Variants in PPFIA2 observed in about 807,000 individuals in gnomAD.
PPFIA2 encodes liprin-alpha-2.
PPFIA2 carries 46 observed loss-of-function variants against 175.5 expected under a neutral mutation model. That is an observed-to-expected ratio of 0.26 (90% CI 0.21 to 0.34). PPFIA2 has a LOEUF of 0.34. PPFIA2 is among the 10% of genes least tolerant of loss of function. PPFIA2 has a pLI of 1.00. For missense variants in PPFIA2, 1,179 were observed against 1,506.1 expected (o/e 0.78, Z 3.60); for synonymous variants, 568 against 511.4 (o/e 1.11, Z -1.49).
At chr12:81,298,626 A>G (rs540312101) in intron 23 of PPFIA2, among the ~76,000 whole-genome samples, 8 of 152,224 alleles carry the variant, frequency 5.3e-5, no homozygotes, top group African/African-American at 1.9e-4. Flanking sequence ...AAGTGACATG[A>G]AACAGCCCTT....
intron 22 of PPFIA2, among the ~76,000 whole-genome samples, chr12:81,313,414 C>T (rs1402485468): frequency 2.6e-5 from 4 of 152,034 alleles, no homozygotes; most frequent in African/African-American, 9.7e-5. Context: ...CCTCTCAAGG[C>T]ATTCATTCAG....
At chr12:81,643,930 G>T (rs987428414) in intron 4 of PPFIA2, among the ~76,000 whole-genome samples, 1 of 151,832 alleles carries the variant, frequency 6.6e-6, no homozygotes, top group African/African-American at 2.4e-5. Context: ...ATTAAAAGAG[G>T]AATAGCAACA....
At position 81,750,041 on chromosome 12, in the gene PPFIA2, CAATTT is replaced by C. The variant is rs573432439; in HGVS notation, c.249+3927_249+3931del. Among the ~76,000 whole-genome samples, 101 of 143,774 alleles carry C rather than the reference CAATTT, an allele frequency of 7.0e-4. 17 individuals are homozygous for C. In the South Asian group the frequency reaches 9.6e-3, roughly 14 times the overall value. The allele number at this position is 143,774 out of a possible 152,430, so 94.3% of individuals were successfully genotyped here. On this transcript the variant is annotated intron_variant, in intron 3 of 32. Coordinates refer to ENST00000549396, the MANE Select transcript of PPFIA2 (RefSeq NM_003625.5). ...GTTGGGGAACAGGCACATAAACAGA[CAATTT>C]AATTACAATATGATAAATGATAAGA...
rs1049763570 is a variant in PPFIA2, at chr12:81,567,583, G to A, written c.303+109208C>T. Among the ~76,000 whole-genome samples the A allele has an allele frequency of 4.6e-5, 7 of 152,200 alleles. No individual in the cohort carries two copies. In the South Asian group the frequency reaches 6.2e-4, roughly 14 times the overall value. ...GTCTACAGATTGAGTCCAATCACTT[G>A]GCCAATGATTCACCTAATCATACCT... On this transcript the variant is annotated intron_variant, in intron 4 of 32. Transcript: ENST00000549396.
intron 22 of PPFIA2, among the ~76,000 whole-genome samples, chr12:81,300,517 A>T (rs2047552699): frequency 6.6e-6 from 1 of 152,166 alleles, no homozygotes; most frequent in African/African-American, 2.4e-5. Flanking sequence ...TTTGTAATAG[A>T]TGCAACCAAA....
intron 20 of PPFIA2, 129 bp downstream of exon 20, chr12:81,340,949 G>A: frequency 9.8e-7 from 1 of 1,024,846 alleles, no homozygotes; most frequent in Non-Finnish European, 1.3e-6. Flanking sequence ...GTGATACTGG[G>A]AAAGGGAAGC....
chr12:81,294,360 T>C (rs1250329434), intron 24 of PPFIA2, among the ~76,000 whole-genome samples: 1 of 151,740 alleles, frequency 6.6e-6, no homozygotes, highest in Non-Finnish European at 1.5e-5. Flanking sequence ...CACTAATGCT[T>C]ATATCTTATC....
intron 4 of PPFIA2, among the ~76,000 whole-genome samples, chr12:81,520,045 C>T (rs1016944585): frequency 6.6e-6 from 1 of 152,152 alleles, no homozygotes; most frequent in Non-Finnish European, 1.5e-5. Context: ...TCACACTTCT[C>T]CTTGTGATGA....
At chr12:81,260,382 A>G (rs946406177) in intron 32 of PPFIA2, 3 of 152,238 alleles carry the variant, frequency 2.0e-5, no homozygotes, top group Non-Finnish European at 4.4e-5. Flanking sequence ...CCATCACTTA[A>G]GAGCTAAGAA....
chr12:81,473,127 GC>G (rs1383908812), intron 4 of PPFIA2, among the ~76,000 whole-genome samples: 1 of 152,164 alleles, frequency 6.6e-6, no homozygotes, highest in Non-Finnish European at 1.5e-5. Context: ...TGCATGTAGG[GC>G]CGGGTGCGGT....
chr12:81,702,098 G>C (rs1043979127), intron 3 of PPFIA2, among the ~76,000 whole-genome samples: 4 of 152,102 alleles, frequency 2.6e-5, no homozygotes, highest in Non-Finnish European at 5.9e-5. Flanking sequence ...TGCTGGAGAG[G>C]AGTAAGAAAA....
intron 14 of PPFIA2, 148 bp from the exon 15 acceptor site, chr12:81,362,932 A>G: frequency 2.2e-6 from 1 of 457,596 alleles, no homozygotes. Context: ...GCACGCCAAA[A>G]TTTTCCCCTT....
intron 4 of PPFIA2, among the ~76,000 whole-genome samples, chr12:81,521,745 G>A (rs977590950): frequency 6.6e-6 from 1 of 151,596 alleles, no homozygotes; most frequent in Non-Finnish European, 1.5e-5. Flanking sequence ...GCGTGAACAC[G>A]GGAGGCGGAG....
chr12:81,581,033 G>T (rs1427420619), intron 4 of PPFIA2, among the ~76,000 whole-genome samples: 1 of 151,790 alleles, frequency 6.6e-6, no homozygotes, highest in South Asian at 2.1e-4. Context: ...TTCATATATT[G>T]CACCGGACTC....
At chr12:81,521,651 C>CAA (rs1167533871) in intron 4 of PPFIA2, among the ~76,000 whole-genome samples, 8,293 of 87,444 alleles carry the variant, frequency 0.095, 322 homozygotes, top group East Asian at 0.2. Context: ...TAATAAAATA[C>CAA]AAAAAAAAAA....
intron 3 of PPFIA2, among the ~76,000 whole-genome samples, chr12:81,752,225 C>T (rs1284562837): frequency 2.6e-5 from 4 of 152,098 alleles, no homozygotes. Flanking sequence ...ACTAATGAAA[C>T]ACTGTATCCA....
chr12:81,494,993 TA>T (rs2059877947), intron 4 of PPFIA2, among the ~76,000 whole-genome samples: 1 of 150,800 alleles, frequency 6.6e-6, no homozygotes, highest in Non-Finnish European at 1.5e-5. Context: ...TACCTAATGC[TA>T]AATGATGAGT....
chr12:81,261,698 A>T (rs1447766053), intron 32 of PPFIA2, among the ~76,000 whole-genome samples: 1 of 152,194 alleles, frequency 6.6e-6, no homozygotes, highest in African/African-American at 2.4e-5. Flanking sequence ...GTGGCAACCC[A>T]TTGATGTGTA....
chr12:81,365,180 TAGA>T, intron 14 of PPFIA2, among the ~76,000 whole-genome samples: 1 of 151,716 alleles, frequency 6.6e-6, no homozygotes, highest in African/African-American at 2.4e-5. Flanking sequence ...CTTCAAATTG[TAGA>T]GATAAAGATG....
Sources: allele counts gnomAD v4.1 joint callset (sites outside exome capture counted in the v4.1 genomes callset), GRCh38; gene constraint gnomAD v4.1.1; transcripts MANE v1.5; gene names NCBI Gene and HGNC (gene_info 2026-07-23, HGNC 2026-07-21).